The following UVRAG variants were observed in gnomAD, a reference collection of about 807,000 sequenced individuals.
UVRAG encodes the protein UV radiation resistance-associated gene protein.
In UVRAG, 19 loss-of-function variants were observed where a neutral mutation model predicts 78.0. The ratio of observed to expected loss-of-function variants is 0.24; its 90% CI spans 0.17 to 0.36. UVRAG has a LOEUF of 0.36. UVRAG is among the 10% of genes least tolerant of loss of function. The pLI is 1.00. For synonymous variants in UVRAG, 323 were observed against 324.6 expected (o/e 1.00, Z 0.05); for missense variants, 740 against 853.8 (o/e 0.87, Z 1.66).
At chr11:75,928,734 T>C (rs1948166022) in intron 6 of UVRAG, among the ~76,000 whole-genome samples, 1 of 151,668 alleles carries the variant, frequency 6.6e-6, no homozygotes, top group Admixed American at 6.6e-5. Context: ...GGTCAGGAGA[T>C]TGAGACTATC....
chr11:75,821,382 C>T (rs567759062), intron 1 of UVRAG, among the ~76,000 whole-genome samples: 13 of 152,248 alleles, frequency 8.5e-5, no homozygotes, highest in African/African-American at 2.9e-4. Context: ...CACTCTGTTG[C>T]CCAGGCTAAA....
At chr11:76,137,332 A>T (rs1031980621) in intron 14 of UVRAG, 30 of 455,824 alleles carry the variant, frequency 6.6e-5, no homozygotes, top group African/African-American at 6.0e-4. Flanking sequence ...CCTGCGTCCT[A>T]CAGAACAGAC....
intron 7 of UVRAG, among the ~76,000 whole-genome samples, chr11:75,970,726 C>T (rs1455827254): frequency 1.4e-5 from 2 of 143,334 alleles, no homozygotes; most frequent in Non-Finnish European, 3.0e-5. Context: ...GAGCGAGACT[C>T]CATCTCAAAA....
chr11:75,837,239 A>C (rs1731700498), intron 1 of UVRAG, among the ~76,000 whole-genome samples: 1 of 150,926 alleles, frequency 6.6e-6, no homozygotes, highest in Admixed American at 6.6e-5. Flanking sequence ...AGGCAGGAGA[A>C]TCGTGTGACC....
At chr11:76,127,634 CAA>C (rs36010618) in intron 14 of UVRAG, among the ~76,000 whole-genome samples, 20 of 82,868 alleles carry the variant, frequency 2.4e-4, no homozygotes, top group Admixed American at 2.9e-4. Flanking sequence ...AACTCCGTCT[CAA>C]AAAAAAAAAA....
chr11:75,960,201 TG>T (rs1948883151), intron 6 of UVRAG, among the ~76,000 whole-genome samples: 2 of 146,632 alleles, frequency 1.4e-5, no homozygotes, highest in Admixed American at 6.6e-5. Flanking sequence ...ACCTTCAATT[TG>T]TTTTTTTTTT....
intron 13 of UVRAG, among the ~76,000 whole-genome samples, chr11:76,111,777 C>G (rs1264162370): frequency 6.6e-6 from 1 of 152,050 alleles, no homozygotes; most frequent in Non-Finnish European, 1.5e-5. Context: ...GAACCCTCCC[C>G]CCACAGCCAG....
chr11:76,035,009 G>A (rs1459886935), intron 12 of UVRAG, among the ~76,000 whole-genome samples: 1 of 152,170 alleles, frequency 6.6e-6, no homozygotes, highest in Non-Finnish European at 1.5e-5. Context: ...CTAATGAGAA[G>A]TGGCAGGTCT....
intron 1 of UVRAG, among the ~76,000 whole-genome samples, chr11:75,821,285 G>A (rs10793133): frequency 0.12 from 18,009 of 152,090 alleles, 1,203 homozygotes; most frequent in East Asian, 0.23. Context: ...ATGGTATTCC[G>A]TTGTATGTAT....
In UVRAG at chr11:75,932,037, C is replaced by G. The variant is rs191778393; in HGVS notation, c.593+19998C>G. On this transcript the variant is annotated intron_variant, in intron 6 of 14. Transcript: ENST00000356136. ...CCAATGGATGGTTTGTCTTTTTTTT[C>G]TTTTTACCACAAAGACCTGACTTTT... 3.8e-3 allele frequency among the ~76,000 whole-genome samples: 578 copies of G among 150,704 alleles called. 2 individuals are homozygous for G. The highest frequency in any genetic ancestry group is 6.9e-3 in the Non-Finnish European group (464 of 67,736).
At chr11:75,902,981 C>CAGAG (rs1947539561) in intron 5 of UVRAG, among the ~76,000 whole-genome samples, 1 of 152,164 alleles carries the variant, frequency 6.6e-6, no homozygotes, top group Non-Finnish European at 1.5e-5. Flanking sequence ...ATGTGTCCAA[C>CAGAG]TCTCTGGTCT....
At position 76,037,766 on chromosome 11, in the gene UVRAG, T is replaced by A. The variant is rs149007530; in HGVS notation, c.1226+20786T>A. ...AAATTCTGGAACCAGATAATGAGAG[T>A]TTGAATCCAGACTGTTATTTAGTGT... On this transcript the variant is annotated intron_variant, in intron 12 of 14. Coordinates refer to ENST00000356136, the MANE Select transcript of UVRAG (RefSeq NM_003369.4). 3.7e-3 allele frequency among the ~76,000 whole-genome samples: 555 copies of A among 151,974 alleles called. 3 individuals carry two copies. Among genetic ancestry groups the A allele is most frequent in the Non-Finnish European group, 6.1e-3 (417 of 67,946 alleles).
intron 13 of UVRAG, among the ~76,000 whole-genome samples, chr11:76,082,539 CAAAAAAA>C (rs5792708): frequency 2.0e-5 from 2 of 101,696 alleles, no homozygotes; most frequent in Non-Finnish European, 3.6e-5. Flanking sequence ...GACTCCGTCC[CAAAAAAA>C]AAAAAAAAAA....
intron 6 of UVRAG, among the ~76,000 whole-genome samples, chr11:75,956,769 A>G (rs1948807528): frequency 6.6e-6 from 1 of 152,014 alleles, no homozygotes; most frequent in Non-Finnish European, 1.5e-5. Flanking sequence ...TTTTAATTTT[A>G]TTTATTCTAA....
intron 12 of UVRAG, 109 bp downstream of exon 12, chr11:76,017,089 C>T (rs1243247129): frequency 1.3e-6 from 1 of 747,100 alleles, no homozygotes; most frequent in African/African-American, 1.8e-5. Context: ...TTTTATATAA[C>T]CTTTGTAGAG....
chr11:75,962,315 C>T (rs1002559951), intron 7 of UVRAG, among the ~76,000 whole-genome samples: 1 of 152,108 alleles, frequency 6.6e-6, no homozygotes, highest in Non-Finnish European at 1.5e-5. Context: ...TTGTCATTTA[C>T]ACCCTTCTCA....
chr11:75,874,626 TA>T (rs1946724900), intron 3 of UVRAG, among the ~76,000 whole-genome samples: 1 of 151,506 alleles, frequency 6.6e-6, no homozygotes, highest in African/African-American at 2.5e-5. Flanking sequence ...TAAATATTTG[TA>T]TGTGCTAGAA....
chr11:76,007,714 C>G lies in UVRAG; in HGVS notation c.999+93C>G, dbSNP rs750013136. The G allele has an allele frequency of 3.2e-6, 3 of 942,502 alleles. No individual in the cohort carries two copies. In the Admixed American group the frequency reaches 5.9e-5, roughly 19 times the overall value. The allele number at this position is 942,502 out of a possible 1,614,324, so 58.4% of individuals were successfully genotyped here. On this transcript the variant is annotated intron_variant, in intron 10 of 14. Coordinates refer to ENST00000356136, the MANE Select transcript of UVRAG (RefSeq NM_003369.4). ...CAATGAAAAAACTCATTGCTTTAGG[C>G]TTAATCATATGCTCTGTCATGATTC...
At chr11:75,945,895 C>G (rs1169255615) in intron 6 of UVRAG, among the ~76,000 whole-genome samples, 1 of 152,000 alleles carries the variant, frequency 6.6e-6, no homozygotes, top group Non-Finnish European at 1.5e-5. Context: ...GTGTTTACCC[C>G]CTCCAAGAAG....
Sources: allele counts gnomAD v4.1 joint callset (sites outside exome capture counted in the v4.1 genomes callset), GRCh38; gene constraint gnomAD v4.1.1; transcripts MANE v1.5; gene names NCBI Gene and HGNC (gene_info 2026-07-23, HGNC 2026-07-21).